Variants in SETBP1 observed in about 807,000 individuals in gnomAD.
The protein encoded by SETBP1 is SET-binding protein.
SETBP1 carries 9 observed loss-of-function variants against 101.0 expected under a neutral mutation model. The ratio of observed to expected loss-of-function variants is 0.09; its 90% CI spans 0.05 to 0.16. The LOEUF (loss-of-function observed/expected upper bound fraction) is 0.16. Among genes scored for constraint, SETBP1 ranks in the 10% least tolerant of loss-of-function variants. The pLI, the probability that SETBP1 is intolerant of heterozygous loss-of-function variation, is 1.00. For synonymous variants in SETBP1, 818 were observed against 788.5 expected (o/e 1.04, Z -0.63); for missense variants, 1,858 against 2,033.8 (o/e 0.91, Z 1.66).
chr18:45,039,974 G>A lies in SETBP1; in HGVS notation c.4171+1319G>A, dbSNP rs554767064. Among the ~76,000 whole-genome samples the A allele has an allele frequency of 3.2e-4, 49 of 152,230 alleles. 1 individual carries two copies. In the South Asian group the frequency reaches 0.01, roughly 32 times the overall value. On this transcript the variant is annotated intron_variant, in intron 5 of 5. Transcript: ENST00000649279. Reference sequence around the variant, plus strand: ...TAGGAAAAGCTGCTGCCTTACCCCTGGTTCCTTCCTGCAGGGCTTTCCGGG... The same window carrying A: ...TAGGAAAAGCTGCTGCCTTACCCCTAGTTCCTTCCTGCAGGGCTTTCCGGG...
chr18:45,051,648 T>C (rs1315782049), intron 5 of SETBP1, among the ~76,000 whole-genome samples: 2 of 152,218 alleles, frequency 1.3e-5, no homozygotes, highest in East Asian at 1.9e-4. Flanking sequence ...TAATGTATAA[T>C]ATGTGCATGT....
intron 2 of SETBP1, among the ~76,000 whole-genome samples, chr18:44,747,736 A>G (rs1431490889): frequency 6.6e-6 from 1 of 152,272 alleles, no homozygotes; most frequent in Admixed American, 6.5e-5. Flanking sequence ...AGCAAGAAAC[A>G]TTGGGAAACA....
chr18:44,793,038 A>T (rs1171398314), intron 2 of SETBP1, among the ~76,000 whole-genome samples: 2 of 152,194 alleles, frequency 1.3e-5, no homozygotes, highest in East Asian at 3.9e-4. Flanking sequence ...CAGATGAAGA[A>T]AGTCTCCCTG....
intron 1 of SETBP1, among the ~76,000 whole-genome samples, chr18:44,690,057 C>T (rs994670844): frequency 6.6e-6 from 1 of 152,142 alleles, no homozygotes; most frequent in Non-Finnish European, 1.5e-5. Context: ...AGCTCTTCAG[C>T]ATGGGGTTCA....
intron 4 of SETBP1, among the ~76,000 whole-genome samples, chr18:44,966,975 T>C (rs887389143): frequency 6.6e-6 from 1 of 152,236 alleles, no homozygotes; most frequent in African/African-American, 2.4e-5. Flanking sequence ...GTCAATAATG[T>C]TCATTTCCTT....
At chr18:44,867,071 T>G (rs1181239828) in intron 2 of SETBP1, among the ~76,000 whole-genome samples, 2 of 152,218 alleles carry the variant, frequency 1.3e-5, no homozygotes, top group Non-Finnish European at 2.9e-5. Flanking sequence ...CCCAAATACA[T>G]GTACTAGCTG....
intron 4 of SETBP1, among the ~76,000 whole-genome samples, chr18:45,014,002 C>T (rs758024243): frequency 2.6e-5 from 4 of 151,056 alleles, no homozygotes; most frequent in Non-Finnish European, 5.9e-5. Flanking sequence ...TTCACTCTTT[C>T]ATTCAATAAG....
At chr18:44,757,922 A>G (rs1384250954) in intron 2 of SETBP1, among the ~76,000 whole-genome samples, 1 of 152,210 alleles carries the variant, frequency 6.6e-6, no homozygotes, top group African/African-American at 2.4e-5. Flanking sequence ...AAGTCCCAAG[A>G]CATCCCAGGT....
At chr18:45,005,641 TCC>T (rs1681390835) in intron 4 of SETBP1, among the ~76,000 whole-genome samples, 1 of 142,820 alleles carries the variant, frequency 7.0e-6, no homozygotes, top group South Asian at 2.2e-4. Flanking sequence ...CTTAAAATCT[TCC>T]TTTTTTTTTT....
Position 44,952,043 on chromosome 18 carries a change from C to T in SETBP1, c.2703C>T (p.Asn901=), listed in dbSNP as rs147524056. ...RYSFDFCSLD[N]PEAIPSDTST... ...CTTTTGATTTCTGCTCCCTGGACAA[C>T]CCGGAGGCCATTCCGTCCGACACCA... Residue 901 remains asparagine (N), a synonymous_variant, in exon 4 of 6, where the codon AAC becomes AAT. Coordinates refer to ENST00000649279, the MANE Select transcript of SETBP1 (RefSeq NM_015559.3). 102 of 1,613,992 alleles carry T rather than the reference C, an allele frequency of 6.3e-5. No homozygotes were observed. The highest frequency in any genetic ancestry group is 7.9e-5 in the Non-Finnish European group (93 of 1,180,038).
intron 3 of SETBP1, among the ~76,000 whole-genome samples, chr18:44,923,852 G>A (rs1175482301): frequency 1.3e-5 from 2 of 152,134 alleles, no homozygotes; most frequent in Non-Finnish European, 2.9e-5. Context: ...GTGCCCTAAT[G>A]CTACCTGGAG....
intron 2 of SETBP1, among the ~76,000 whole-genome samples, chr18:44,807,155 T>A (rs2071761911): frequency 6.6e-6 from 1 of 152,184 alleles, no homozygotes; most frequent in Non-Finnish European, 1.5e-5. Flanking sequence ...CTTGGCAATA[T>A]AATGTGAGCT....
In SETBP1 at chr18:44,952,322, C is replaced by T. The variant is rs2071377438; in HGVS notation, c.2982C>T (p.Tyr994=). 1 of 1,614,130 alleles carries T rather than the reference C, an allele frequency of 6.2e-7. No homozygotes were observed. The highest frequency in any genetic ancestry group is 8.5e-7 in the Non-Finnish European group (1 of 1,180,030). ...SIFRINFDHY[Y]PVPYIQYDPL... is the part of the protein sequence containing the mutation. Reference sequence around the variant, plus strand: ...TTCGGATTAATTTTGATCACTATTACCCGGTGCCATATATCCAGTATGACC... The same window carrying T: ...TTCGGATTAATTTTGATCACTATTATCCGGTGCCATATATCCAGTATGACC... Residue 994 remains tyrosine (Y), a synonymous_variant, in exon 4 of 6, where the codon TAC becomes TAT. Coordinates refer to ENST00000649279, the MANE Select transcript of SETBP1 (RefSeq NM_015559.3).
At chr18:44,715,595 G>A (rs1336473801) in intron 2 of SETBP1, among the ~76,000 whole-genome samples, 2 of 152,188 alleles carry the variant, frequency 1.3e-5, no homozygotes, top group Non-Finnish European at 2.9e-5. Context: ...TAATAAGGGA[G>A]TCATAATGTC....
intron 4 of SETBP1, chr18:44,986,113 C>T (rs1331901490): frequency 1.3e-5 from 2 of 152,182 alleles, no homozygotes; most frequent in African/African-American, 4.8e-5. Flanking sequence ...AGTCAAACCT[C>T]GATAGGATAG....
intron 4 of SETBP1, among the ~76,000 whole-genome samples, chr18:45,008,865 G>A (rs17795150): frequency 0.048 from 7,350 of 152,276 alleles, 207 homozygotes; most frequent in South Asian, 0.11. Flanking sequence ...TGTCTAGGTT[G>A]GGTTTGAAGC....
intron 5 of SETBP1, among the ~76,000 whole-genome samples, chr18:45,048,945 G>C (rs1383226764): frequency 5.5e-4 from 69 of 125,216 alleles, no homozygotes; most frequent in Non-Finnish European, 9.7e-4. Context: ...GCAGTCCGCA[G>C]TCCGGCCTGG....
chr18:45,048,115 T>C (rs982794989), intron 5 of SETBP1, among the ~76,000 whole-genome samples: 1 of 152,162 alleles, frequency 6.6e-6, no homozygotes, highest in Non-Finnish European at 1.5e-5. Flanking sequence ...GGCCACCACA[T>C]TGAGGCAGAG....
intron 2 of SETBP1, among the ~76,000 whole-genome samples, chr18:44,868,706 GGA>G (rs1236584023): frequency 0.023 from 401 of 17,732 alleles, 32 homozygotes; most frequent in East Asian, 0.054. Context: ...GAGGACGGAA[GGA>G]AGGGAGGAAG....
Sources: gnomAD v4.1 joint callset for allele counts (sites outside exome capture counted in the v4.1 genomes callset) on GRCh38, gnomAD v4.1.1 for gene constraint, MANE v1.5 for transcripts, NCBI Gene and HGNC (gene_info 2026-07-23, HGNC 2026-07-21) for gene names.